ERBB4: variants seen among roughly 807,000 people sequenced by gnomAD.
ERBB4 encodes the protein receptor tyrosine-protein kinase erbB-4.
ERBB4 carries 42 observed loss-of-function variants against 158.0 expected under a neutral mutation model. That is an observed-to-expected ratio of 0.27 (90% confidence interval 0.21 to 0.34). ERBB4 has a LOEUF of 0.34. ERBB4 is among the 10% of genes least tolerant of loss of function. ERBB4 has a pLI of 1.00. For missense variants in ERBB4, 1,333 were observed against 1,624.1 expected, an observed-to-expected ratio of 0.82 and a Z score of 3.08; for synonymous variants, 583 against 558.7, an observed-to-expected ratio of 1.04 and a Z score of -0.61.
At chr2:211,902,363 T>G (rs1029244586) in intron 3 of ERBB4, among the ~76,000 whole-genome samples, 8 of 152,130 alleles carry the variant, frequency 5.3e-5, no homozygotes, top group Non-Finnish European at 1.0e-4. Flanking sequence ...GCATTTTTAA[T>G]ATATTATAGA....
chr2:212,419,928 C>T (rs2091755542), intron 1 of ERBB4, among the ~76,000 whole-genome samples: 1 of 151,918 alleles, frequency 6.6e-6, no homozygotes, highest in Non-Finnish European at 1.5e-5. Context: ...CTTGTTTACA[C>T]TATTTTCCTC....
At chr2:211,944,416 T>G (rs1005823926) in intron 3 of ERBB4, among the ~76,000 whole-genome samples, 5 of 151,630 alleles carry the variant, frequency 3.3e-5, no homozygotes, top group African/African-American at 1.2e-4. Context: ...ACAAAGTTGA[T>G]GTTTGGCAAA....
intron 7 of ERBB4, among the ~76,000 whole-genome samples, chr2:211,718,879 G>T (rs1490966010): frequency 6.6e-6 from 1 of 152,176 alleles, no homozygotes; most frequent in African/African-American, 2.4e-5. Context: ...CATCTATGAT[G>T]CTGTGTTTTG....
chr2:212,484,114 C>T (rs1689855802), intron 1 of ERBB4, among the ~76,000 whole-genome samples: 1 of 152,082 alleles, frequency 6.6e-6, no homozygotes, highest in Non-Finnish European at 1.5e-5. Context: ...TATACATATG[C>T]TGTATTTCAA....
At position 212,020,360 on chromosome 2, in the gene ERBB4, TG is replaced by T. The variant is rs538477921; in HGVS notation, c.235-72745del. Among the ~76,000 whole-genome samples, 9 of 152,236 alleles carry T rather than the reference TG, an allele frequency of 5.9e-5. No homozygotes were observed. The East Asian group carries it at 1.7e-3, about 29-fold the overall frequency. ...AATAATTAAATGAATGAGTGATTTT[TG>T]GGGATTATCAGCCTTCTCACTTGTT... On this transcript the variant is annotated intron_variant, in intron 2 of 27. Coordinates refer to ENST00000342788, the MANE Select transcript of ERBB4 (RefSeq NM_005235.3).
intron 12 of ERBB4, among the ~76,000 whole-genome samples, chr2:211,684,806 C>T (rs1010528213): frequency 1.3e-5 from 2 of 152,174 alleles, no homozygotes; most frequent in Non-Finnish European, 2.9e-5. Flanking sequence ...GTTTCCACAT[C>T]CTGATGACTT....
At chr2:212,536,941 G>A (rs1054627382) in intron 1 of ERBB4, among the ~76,000 whole-genome samples, 1 of 152,148 alleles carries the variant, frequency 6.6e-6, no homozygotes, top group Non-Finnish European at 1.5e-5. Flanking sequence ...ATGTATCTAA[G>A]AGGCCGCTTG....
chr2:212,480,439 A>ATACT (rs1689634792), intron 1 of ERBB4, among the ~76,000 whole-genome samples: 1 of 152,224 alleles, frequency 6.6e-6, no homozygotes, highest in African/African-American at 2.4e-5. Context: ...GAGATTTTGG[A>ATACT]TACTGTTTAA....
chr2:211,758,563 T>C (rs2075337190), intron 4 of ERBB4, among the ~76,000 whole-genome samples: 1 of 152,184 alleles, frequency 6.6e-6, no homozygotes, highest in African/African-American at 2.4e-5. Context: ...TTCCAATCAA[T>C]GTCAAATGTA....
chr2:211,679,311 C>A, intron 12 of ERBB4, 127 bp from the exon 13 acceptor site: 1 of 1,013,308 alleles, frequency 9.9e-7, no homozygotes, highest in East Asian at 2.6e-5. Flanking sequence ...CTTTGGTGGC[C>A]TATCCCATCG....
At chr2:212,094,630 T>C (rs2078874555) in intron 2 of ERBB4, among the ~76,000 whole-genome samples, 3 of 152,166 alleles carry the variant, frequency 2.0e-5, no homozygotes, top group South Asian at 4.1e-4. Flanking sequence ...GCTCTCACCA[T>C]GTGATTCGCA....
intron 1 of ERBB4, among the ~76,000 whole-genome samples, chr2:212,352,803 G>C (rs2089307434): frequency 1.3e-5 from 2 of 152,064 alleles, no homozygotes; most frequent in Admixed American, 1.3e-4. Flanking sequence ...GGGAGGCAGG[G>C]GTTGCAGTGA....
chr2:211,630,706 T>A, intron 16 of ERBB4, 112 bp from the exon 17 acceptor site: 1 of 980,806 alleles, frequency 1.0e-6, no homozygotes, highest in South Asian at 1.5e-5. Context: ...AATCTAGTCA[T>A]TTAGATGAAA....
intron 1 of ERBB4, among the ~76,000 whole-genome samples, chr2:212,533,321 A>G (rs1187578125): frequency 6.6e-6 from 1 of 152,222 alleles, no homozygotes; most frequent in African/African-American, 2.4e-5. Flanking sequence ...TCAATATCAA[A>G]GACTTTAAAG....
rs889174930 is a variant in ERBB4 at position 211,380,693 on chromosome 2, A to G, written c.*2922T>C. 8.6e-6 allele frequency: 2 copies of G among 231,956 alleles called. No individual in the cohort carries two copies. Among genetic ancestry groups the G allele is most frequent in the African/African-American group, 4.4e-5 (2 of 45,296 alleles). The allele number at this position is 231,956 out of a possible 1,614,324, so 14.4% of individuals were successfully genotyped here. ...ACTGAAGTCAATTATATACTACAGA[A>G]ATCATTCAAAAGAATTATAAAGTGG... On this transcript the variant is annotated 3_prime_UTR_variant, in exon 28 of 28. Coordinates refer to ENST00000342788, the MANE Select transcript of ERBB4 (RefSeq NM_005235.3).
At chr2:211,959,834 G>A (rs765374783) in intron 2 of ERBB4, among the ~76,000 whole-genome samples, 51 of 152,042 alleles carry the variant, frequency 3.4e-4, no homozygotes, top group Non-Finnish European at 5.9e-4. Context: ...ACATGACCTG[G>A]CCCCTTAGTA....
intron 1 of ERBB4, among the ~76,000 whole-genome samples, chr2:212,342,452 G>A (rs573523987): frequency 1.2e-4 from 19 of 152,200 alleles, no homozygotes; most frequent in South Asian, 2.1e-4. Flanking sequence ...TGTGCCTTCC[G>A]TCATAATTGT....
At chr2:212,230,540 G>A (rs1162356601) in intron 1 of ERBB4, among the ~76,000 whole-genome samples, 3 of 152,008 alleles carry the variant, frequency 2.0e-5, no homozygotes, top group Non-Finnish European at 4.4e-5. Context: ...TTCCATTTTC[G>A]AAGTAATTAC....
At chr2:211,955,376 T>G (rs952732224) in intron 2 of ERBB4, among the ~76,000 whole-genome samples, 6 of 152,054 alleles carry the variant, frequency 3.9e-5, no homozygotes, top group Admixed American at 3.3e-4. Flanking sequence ...ATATTTTTTT[T>G]GTCCTTTATA....
Sources: allele counts gnomAD v4.1 joint callset (sites outside exome capture counted in the v4.1 genomes callset), GRCh38; gene constraint gnomAD v4.1.1; transcripts MANE v1.5; gene names NCBI Gene and HGNC (gene_info 2026-07-23, HGNC 2026-07-21).